Variants in ST8SIA2 observed in about 807,000 individuals in gnomAD.
The protein encoded by ST8SIA2 is alpha-2,8-sialyltransferase 8B.
A neutral mutation model predicts 37.6 loss-of-function variants in ST8SIA2; 22 were observed. The ratio of observed to expected loss-of-function variants is 0.58; its 90% CI spans 0.42 to 0.83. The LOEUF (loss-of-function observed/expected upper bound fraction) is 0.83, where lower values mean the gene tolerates loss of function less well. Ranked by LOEUF, ST8SIA2 falls within the 40% of genes least tolerant of loss-of-function variation. ST8SIA2 has a pLI of 0.00. For missense variants in ST8SIA2, 382 were observed against 484.7 expected (o/e 0.79, Z 1.99); for synonymous variants, 205 against 201.2 (o/e 1.02, Z -0.16).
intron 2 of ST8SIA2, among the ~76,000 whole-genome samples, chr15:92,431,216 C>T (rs2049713171): frequency 6.6e-6 from 1 of 152,130 alleles, no homozygotes; most frequent in Non-Finnish European, 1.5e-5. Flanking sequence ...GCCCCTGAAG[C>T]CCAAGTCCTC....
intron 3 of ST8SIA2, 139 bp from the exon 4 acceptor site, chr15:92,438,214 G>C: frequency 7.9e-7 from 1 of 1,266,102 alleles, no homozygotes; most frequent in South Asian, 1.2e-5. Flanking sequence ...GTTCTCGAGG[G>C]CATCTGAACT....
intron 1 of ST8SIA2, among the ~76,000 whole-genome samples, chr15:92,424,856 C>T (rs2049664160): frequency 6.6e-6 from 1 of 152,166 alleles, no homozygotes; most frequent in South Asian, 2.1e-4. Context: ...AGGTGATCCA[C>T]CCGCCTCAGC....
intron 5 of ST8SIA2, among the ~76,000 whole-genome samples, chr15:92,459,842 T>C (rs567070526): frequency 4.5e-4 from 68 of 152,346 alleles, no homozygotes; most frequent in African/African-American, 1.6e-3. Flanking sequence ...TCCGCCCGCC[T>C]CAGCCTCTCA....
chr15:92,451,816 A>G (rs2141844845), intron 5 of ST8SIA2, among the ~76,000 whole-genome samples: 1 of 152,260 alleles, frequency 6.6e-6, no homozygotes, highest in East Asian at 1.9e-4. Context: ...CTTGCACAAG[A>G]TCCCACGGCT....
At chr15:92,460,383 GC>G (rs558692355) in intron 5 of ST8SIA2, among the ~76,000 whole-genome samples, 10 of 152,320 alleles carry the variant, frequency 6.6e-5, no homozygotes, top group African/African-American at 2.2e-4. Context: ...CTGCATTAGA[GC>G]TGAAAATGCA....
chr15:92,426,145 G>A (rs2049674200), intron 1 of ST8SIA2, among the ~76,000 whole-genome samples: 1 of 152,176 alleles, frequency 6.6e-6, no homozygotes, highest in African/African-American at 2.4e-5. Context: ...TTGTGTAAAT[G>A]ACAAGATTTT....
intron 4 of ST8SIA2, among the ~76,000 whole-genome samples, chr15:92,438,888 G>T (rs1411827993): frequency 6.6e-6 from 1 of 152,182 alleles, no homozygotes. Flanking sequence ...TACAGCCAAG[G>T]TTGAGAATCA....
intron 1 of ST8SIA2, among the ~76,000 whole-genome samples, chr15:92,403,421 C>T (rs556185096): frequency 1.3e-5 from 2 of 152,136 alleles, no homozygotes; most frequent in African/African-American, 4.8e-5. Context: ...ACTTTTGAGA[C>T]GATAGAATAG....
chr15:92,434,463 A>C, intron 3 of ST8SIA2, 88 bp downstream of exon 3: 4 of 1,586,478 alleles, frequency 2.5e-6, no homozygotes, highest in Non-Finnish European at 3.4e-6. Context: ...TAAAGAAGTC[A>C]GGATAGAAAT....
At chr15:92,412,890 T>C (rs922221637) in intron 1 of ST8SIA2, among the ~76,000 whole-genome samples, 3 of 152,190 alleles carry the variant, frequency 2.0e-5, no homozygotes, top group Non-Finnish European at 4.4e-5. Flanking sequence ...ACTCTTGGCC[T>C]CAAGTGATTC....
chr15:92,401,379 T>C (rs969853469), intron 1 of ST8SIA2, among the ~76,000 whole-genome samples: 3 of 152,170 alleles, frequency 2.0e-5, no homozygotes, highest in Non-Finnish European at 4.4e-5. Context: ...GGTTTTAAAT[T>C]CTCTTTAGTC....
chr15:92,459,440 C>A (rs2141851157), intron 5 of ST8SIA2, among the ~76,000 whole-genome samples: 1 of 152,232 alleles, frequency 6.6e-6, no homozygotes. Flanking sequence ...TCTGTCTAAC[C>A]AGCTGTTTGA....
At chr15:92,438,272 G>A (rs1301144057) in intron 3 of ST8SIA2, 81 bp from the exon 4 acceptor site, 12 of 1,606,794 alleles carry the variant, frequency 7.5e-6, no homozygotes, top group Middle Eastern at 1.6e-4. Flanking sequence ...CGTGCAGGGC[G>A]ACCCTGGATA....
intron 3 of ST8SIA2, among the ~76,000 whole-genome samples, chr15:92,436,033 G>A (rs1041250230): frequency 6.8e-6 from 1 of 146,806 alleles, no homozygotes; most frequent in African/African-American, 2.5e-5. Flanking sequence ...CCATCTTCAC[G>A]TGGCCCTCTC....
intron 5 of ST8SIA2, among the ~76,000 whole-genome samples, chr15:92,451,052 T>C (rs1450694459): frequency 6.6e-6 from 1 of 152,124 alleles, no homozygotes; most frequent in African/African-American, 2.4e-5. Flanking sequence ...GTTTAGGGAA[T>C]TGAAGGGGAC....
chr15:92,444,699 C>T lies in ST8SIA2; in HGVS notation c.612C>T (p.Thr204=), dbSNP rs2049827795. 2 of 1,614,264 alleles carry T rather than the reference C, an allele frequency of 1.2e-6. No homozygotes were observed. The highest frequency in any genetic ancestry group is 1.7e-6 in the Non-Finnish European group (2 of 1,180,044). The change falls in exon 5 of 6, where the codon ACC becomes ACT. Residue 204 remains threonine (T), a synonymous_variant. Coordinates refer to ENST00000268164, the MANE Select transcript of ST8SIA2 (RefSeq NM_006011.4). ...TGGGGCTCAAGACAGACCTGGTAAC[C>T]ATGAACCCCTCGGTCATCCAGCGGG... ...RDVGLKTDLV[T]MNPSVIQRAF...
At chr15:92,434,435 T>C in intron 3 of ST8SIA2, 60 bp downstream of exon 3, 1 of 1,611,664 alleles carries the variant, frequency 6.2e-7, no homozygotes, top group South Asian at 1.1e-5. Context: ...CACGGGCAAA[T>C]TGCTTCTCTT....
chr15:92,426,218 A>G (rs545947922), intron 1 of ST8SIA2, among the ~76,000 whole-genome samples: 1 of 152,172 alleles, frequency 6.6e-6, no homozygotes, highest in Non-Finnish European at 1.5e-5. Context: ...GGCAAATGCT[A>G]TAATAGAATT....
intron 1 of ST8SIA2, among the ~76,000 whole-genome samples, chr15:92,401,243 T>C (rs2049468657): frequency 6.6e-6 from 1 of 152,186 alleles, no homozygotes; most frequent in Non-Finnish European, 1.5e-5. Flanking sequence ...AGAGGCACTG[T>C]GGGGTGAGAC....
Sources: allele counts gnomAD v4.1 joint callset (sites outside exome capture counted in the v4.1 genomes callset), GRCh38; gene constraint gnomAD v4.1.1; transcripts MANE v1.5; gene names NCBI Gene and HGNC (gene_info 2026-07-23, HGNC 2026-07-21).